The following SERPINA12 variants were observed in gnomAD, a reference collection of about 807,000 sequenced individuals.
The protein encoded by SERPINA12 is serpin family A member 12, also known as serpin A12.
In SERPINA12, 21 loss-of-function variants were observed where a neutral mutation model predicts 25.9. The ratio of observed to expected loss-of-function variants is 0.81; its 90% CI spans 0.58 to 1.17. The LOEUF is 1.17. SERPINA12 is among the 50% of genes most tolerant of loss of function. The pLI is 0.00. For missense variants in SERPINA12, 562 were observed against 508.3 expected, an observed-to-expected ratio of 1.11 and a Z score of -1.02; for synonymous variants, 220 against 196.0, an observed-to-expected ratio of 1.12 and a Z score of -1.02.
At chr14:94,517,225 C>T (rs1194687669) in intron 1 of SERPINA12, among the ~76,000 whole-genome samples, 2 of 152,208 alleles carry the variant, frequency 1.3e-5, no homozygotes, top group African/African-American at 4.8e-5. Context: ...CAGTGCCTGT[C>T]GCAGCAGGGA....
upstream of SERPINA12, among the ~76,000 whole-genome samples, chr14:94,513,879 C>T (rs1901167089): frequency 6.6e-6 from 1 of 152,130 alleles, no homozygotes; most frequent in Non-Finnish European, 1.5e-5. Flanking sequence ...GCATCACTTC[C>T]CAAGACCAAA....
rs773657032 is a variant in SERPINA12, at chr14:94,498,438, C to T, written c.-33-8G>A. 2 of 1,576,500 alleles carry T rather than the reference C, an allele frequency of 1.3e-6. No individual in the cohort carries two copies. The highest frequency in any genetic ancestry group is 1.9e-5 in the Admixed American group (1 of 53,202). On this transcript the variant is annotated splice_region_variant and splice_polypyrimidine_tract_variant and intron_variant, in intron 1 of 4. Coordinates refer to ENST00000677451, the MANE Select transcript of SERPINA12 (RefSeq NM_001382267.1). ...TCCTGTTGAGTAGTAGACCTGAGGT[C>T]AGCAGAAAAAAAGAACATGATAACC...
Position 94,489,513 on chromosome 14 carries a change from G to A in SERPINA12, c.1053+107C>T, listed in dbSNP as rs1234200079. 4 of 1,318,396 alleles carry A rather than the reference G, an allele frequency of 3.0e-6. No homozygotes were observed. The African/African-American group carries it at 4.4e-5, about 14-fold the overall frequency. 81.7% of individuals were successfully genotyped at this position (1,318,396 alleles called of 1,614,324 possible). A position where few individuals can be genotyped will look rare whatever the true frequency, so the allele number is the denominator to read the frequency against. ...AGCTGCATTCATGCCCGCCCCGACT[G>A]GTGGGTGGAGTCTCGGCTCTGACAG... On this transcript the variant is annotated intron_variant, in intron 4 of 4. Coordinates refer to ENST00000677451, the MANE Select transcript of SERPINA12 (RefSeq NM_001382267.1).
chr14:94,512,995 G>C (rs904337404), upstream of SERPINA12, among the ~76,000 whole-genome samples: 2 of 152,180 alleles, frequency 1.3e-5, no homozygotes, highest in African/African-American at 4.8e-5. Flanking sequence ...TTCCCCAGTG[G>C]GTTCTATTAC....
In SERPINA12 at chr14:94,497,402, A is replaced by G. The variant is rs1187535715; in HGVS notation, c.634+362T>C. On this transcript the variant is annotated intron_variant, in intron 2 of 4. Coordinates refer to ENST00000677451, the MANE Select transcript of SERPINA12 (RefSeq NM_001382267.1). ...AAATGTGTTCCAGTCCTGACTGTCA[A>G]TGATGGGCTTTGTAACTTGGAGTAA... Among the ~76,000 whole-genome samples the G allele has an allele frequency of 2.6e-5, 4 of 152,354 alleles. 1 individual carries two copies. The highest frequency in any genetic ancestry group is 4.1e-4 in the South Asian group (2 of 4,824).
intron 1 of SERPINA12, among the ~76,000 whole-genome samples, chr14:94,502,892 A>G (rs990701834): frequency 6.6e-6 from 1 of 152,124 alleles, no homozygotes; most frequent in Non-Finnish European, 1.5e-5. Flanking sequence ...TTCCTGCCCC[A>G]GGAACCCCAG....
intron 1 of SERPINA12, among the ~76,000 whole-genome samples, chr14:94,507,660 C>T (rs1365205098): frequency 3.3e-5 from 5 of 152,114 alleles, no homozygotes; most frequent in Admixed American, 6.6e-5. Context: ...CACTACACAC[C>T]CACTAGAATA....
chr14:94,510,364 C>A (rs575758853), upstream of SERPINA12: 356 of 597,804 alleles, frequency 6.0e-4, 1 homozygote, highest in African/African-American at 6.6e-3. Context: ...ACATTACTAA[C>A]CATCAGGGAA....
chr14:94,492,517 T>C (rs1173446773), intron 3 of SERPINA12, among the ~76,000 whole-genome samples: 1 of 152,130 alleles, frequency 6.6e-6, no homozygotes, highest in Non-Finnish European at 1.5e-5. Context: ...CCCTGCGAGG[T>C]TTCATGATAG....
intron 1 of SERPINA12, among the ~76,000 whole-genome samples, chr14:94,498,747 G>A (rs966838374): frequency 8.5e-5 from 13 of 152,188 alleles, no homozygotes; most frequent in Admixed American, 4.6e-4. Flanking sequence ...ACCCCGTAGT[G>A]TAGGCATATG....
intron 1 of SERPINA12, among the ~76,000 whole-genome samples, chr14:94,505,147 G>T (rs148280912): frequency 6.6e-6 from 1 of 152,224 alleles, no homozygotes; most frequent in Non-Finnish European, 1.5e-5. Context: ...CGGAGGCCTC[G>T]GAAGAGCCAT....
chr14:94,502,770 TG>T (rs1900783002), intron 1 of SERPINA12, among the ~76,000 whole-genome samples: 1 of 152,248 alleles, frequency 6.6e-6, no homozygotes, highest in South Asian at 2.1e-4. Context: ...TCCCATGTCT[TG>T]AGAACCAACA....
At chr14:94,511,925 C>G (rs1392225300), upstream of SERPINA12, among the ~76,000 whole-genome samples, 1 of 152,048 alleles carries the variant, frequency 6.6e-6, no homozygotes, top group Non-Finnish European at 1.5e-5. Flanking sequence ...TGGTAAAACC[C>G]CATCTCTATT....
At chr14:94,503,458 C>G (rs1007875593) in intron 1 of SERPINA12, 1 of 297,436 alleles carries the variant, frequency 3.4e-6, no homozygotes, top group Non-Finnish European at 5.0e-6. Context: ...CAGACTGACT[C>G]TCAGCCCAAC....
intron 2 of SERPINA12, among the ~76,000 whole-genome samples, chr14:94,515,664 A>AGGCAAGCAGTGCAGATGCG (rs1566817466): frequency 5.3e-5 from 8 of 151,556 alleles, no homozygotes; most frequent in African/African-American, 9.7e-5. Context: ...GTGCAGATGC[A>AGGCAAGCAGTGCAGATGCG]GGCAAGCAGT....
At chr14:94,498,556 A>T in intron 1 of SERPINA12, 126 bp from the exon 2 acceptor site, 1 of 728,888 alleles carries the variant, frequency 1.4e-6, no homozygotes, top group Non-Finnish European at 2.2e-6. Context: ...GAGTGCTTTG[A>T]CCCCTTTATA....
upstream of SERPINA12, among the ~76,000 whole-genome samples, chr14:94,509,586 G>T (rs758318511): frequency 6.6e-6 from 1 of 152,068 alleles, no homozygotes; most frequent in Non-Finnish European, 1.5e-5. Flanking sequence ...TGGCCAACTG[G>T]CCCTGCCAAG....
chr14:94,492,311 A>AG (rs1203838936), intron 3 of SERPINA12, among the ~76,000 whole-genome samples: 1 of 152,158 alleles, frequency 6.6e-6, no homozygotes, highest in East Asian at 1.9e-4. Context: ...TCACCTGCAA[A>AG]GGGGGAGTGA....
intron 3 of SERPINA12, among the ~76,000 whole-genome samples, chr14:94,495,296 C>T (rs1900366651): frequency 6.6e-6 from 1 of 151,818 alleles, no homozygotes. Flanking sequence ...TCTCGATCTC[C>T]TGACCTCGTG....
Sources: allele counts gnomAD v4.1 joint callset (sites outside exome capture counted in the v4.1 genomes callset), GRCh38; gene constraint gnomAD v4.1.1; transcripts MANE v1.5; gene names NCBI Gene and HGNC (gene_info 2026-07-23, HGNC 2026-07-21).